The following TENM3 variants were observed in gnomAD, a reference collection of about 807,000 sequenced individuals.
The protein encoded by TENM3 is teneurin transmembrane protein 3, also known as teneurin-3.
A neutral mutation model predicts 255.1 loss-of-function variants in TENM3; 63 were observed. The observed-to-expected ratio is 0.25, with a 90% CI of 0.20 to 0.30. The LOEUF (loss-of-function observed/expected upper bound fraction) is 0.30. Among genes scored for constraint, TENM3 ranks in the 10% least tolerant of loss-of-function variants. The probability of loss-of-function intolerance (pLI) is 1.00; values close to 1 mark genes in which losing one functional copy is unlikely to be tolerated. For missense variants in TENM3, 2,929 were observed against 3,461.1 expected, an observed-to-expected ratio of 0.85 and a Z score of 3.86; for synonymous variants, 1,306 against 1,322.3, an observed-to-expected ratio of 0.99 and a Z score of 0.27.
At chr4:182,644,364 G>T (rs1049120293) in intron 5 of TENM3, among the ~76,000 whole-genome samples, 1 of 152,130 alleles carries the variant, frequency 6.6e-6, no homozygotes, top group Non-Finnish European at 1.5e-5. Flanking sequence ...GCTAAAAATG[G>T]CACTGAATTT....
chr4:182,715,568 T>A (rs1759091520), intron 13 of TENM3, among the ~76,000 whole-genome samples: 1 of 152,244 alleles, frequency 6.6e-6, no homozygotes, highest in South Asian at 2.1e-4. Context: ...CAGCTATTAT[T>A]ATCCAGTTTC....
chr4:181,938,142 T>A, the TENM3 span, among the ~76,000 whole-genome samples: 13 of 152,218 alleles, frequency 8.5e-5, no homozygotes, highest in Non-Finnish European at 1.5e-4. Flanking sequence ...TGCTGCTACA[T>A]GTGGCTAAGC....
intron 1 of TENM3, among the ~76,000 whole-genome samples, chr4:182,283,809 G>T (rs1760554575): frequency 6.6e-6 from 1 of 152,114 alleles, no homozygotes; most frequent in East Asian, 1.9e-4. Context: ...GGAGGTGATG[G>T]GTATGTGGGT....
At chr4:181,913,930 G>C in the TENM3 span, among the ~76,000 whole-genome samples, 1 of 152,164 alleles carries the variant, frequency 6.6e-6, no homozygotes, top group Non-Finnish European at 1.5e-5. Context: ...GCTTAGCCAG[G>C]AGGCTGAGAA....
intron 6 of TENM3, among the ~76,000 whole-genome samples, chr4:182,659,926 G>A (rs891978839): frequency 7.2e-5 from 11 of 152,148 alleles, no homozygotes; most frequent in Non-Finnish European, 1.5e-4. Context: ...ACCACCTGAT[G>A]TGGTGTCCTA....
At chr4:182,144,796 G>GGGGTCCTA (rs2149549143) in intron 1 of TENM3, 1 of 150,436 alleles carries the variant, frequency 6.6e-6, no homozygotes, top group African/African-American at 2.4e-5. Context: ...CTTCCTTTAT[G>GGGGTCCTA]GGGTCCTAGT....
chr4:182,161,653 A>G lies in TENM3; in HGVS notation c.-76+16899A>G, dbSNP rs1162003608. ...AATATATATATGTATATATATATAT[A>G]CACACACACAAATATATATATGTAT... On this transcript the variant is annotated intron_variant, in intron 1 of 2. Transcript: ENST00000512480. Among the ~76,000 whole-genome samples, 5 of 87,056 alleles carry G rather than the reference A, an allele frequency of 5.7e-5. 1 individual carries two copies. The highest frequency in any genetic ancestry group is 2.4e-4 in the African/African-American group (5 of 20,582). 57.1% of individuals were successfully genotyped at this position (87,056 alleles called of 152,430 possible). A position where few individuals can be genotyped will look rare whatever the true frequency, so the allele number is the denominator to read the frequency against.
the TENM3 span, among the ~76,000 whole-genome samples, chr4:182,002,790 C>A: frequency 6.6e-6 from 1 of 152,046 alleles, no homozygotes. Context: ...TATAGACCAC[C>A]CATTCTTTCT....
chr4:182,514,980 G>A (rs1157660384), intron 3 of TENM3, among the ~76,000 whole-genome samples: 1 of 152,192 alleles, frequency 6.6e-6, no homozygotes, highest in East Asian at 1.9e-4. Flanking sequence ...AATTAATATT[G>A]AGAAACCAAG....
chr4:182,134,004 T>C, the TENM3 span, among the ~76,000 whole-genome samples: 64 of 152,250 alleles, frequency 4.2e-4, no homozygotes, highest in African/African-American at 1.5e-3. Context: ...GAAACGTATA[T>C]GTTCTCAAGA....
At chr4:182,639,552 C>T (rs1752121418) in intron 5 of TENM3, among the ~76,000 whole-genome samples, 1 of 152,102 alleles carries the variant, frequency 6.6e-6, no homozygotes, top group Admixed American at 6.5e-5. Context: ...TAAAAGGAAC[C>T]ATAATCTAGG....
At chr4:181,544,538 C>T in the TENM3 span, among the ~76,000 whole-genome samples, 6 of 152,152 alleles carry the variant, frequency 3.9e-5, no homozygotes, top group East Asian at 5.8e-4. Context: ...CTACCCCTGC[C>T]GCCCACTTCT....
chr4:182,605,576 A>G (rs1748340826), intron 4 of TENM3, among the ~76,000 whole-genome samples: 1 of 152,058 alleles, frequency 6.6e-6, no homozygotes, highest in South Asian at 2.1e-4. Flanking sequence ...AAAATATGGC[A>G]CCTTTTATAA....
At chr4:182,039,514 A>G in the TENM3 span, among the ~76,000 whole-genome samples, 1 of 152,184 alleles carries the variant, frequency 6.6e-6, no homozygotes, top group Non-Finnish European at 1.5e-5. Flanking sequence ...CACCAAGGAC[A>G]TATATGCAGT....
chr4:181,466,627 T>C, the TENM3 span, among the ~76,000 whole-genome samples: 1 of 152,180 alleles, frequency 6.6e-6, no homozygotes, highest in Non-Finnish European at 1.5e-5. Context: ...CTATTTAAAA[T>C]CACTCATCGA....
chr4:182,592,391 T>C (rs1371164576), intron 3 of TENM3, among the ~76,000 whole-genome samples: 7 of 152,178 alleles, frequency 4.6e-5, no homozygotes, highest in Admixed American at 6.5e-5. Flanking sequence ...CTTGTACACT[T>C]GGAAGATCCA....
intron 13 of TENM3, among the ~76,000 whole-genome samples, chr4:182,720,429 A>G (rs1189828907): frequency 6.6e-6 from 1 of 152,150 alleles, no homozygotes; most frequent in Non-Finnish European, 1.5e-5. Flanking sequence ...TATCAGACAT[A>G]GAGTGGTGCT....
At chr4:182,004,999 T>C in the TENM3 span, among the ~76,000 whole-genome samples, 1 of 152,188 alleles carries the variant, frequency 6.6e-6, no homozygotes, top group African/African-American at 2.4e-5. Context: ...TTGCAAAAAT[T>C]TTCTCCCATT....
chr4:181,589,793 T>C, the TENM3 span, among the ~76,000 whole-genome samples: 1 of 152,184 alleles, frequency 6.6e-6, no homozygotes. Flanking sequence ...GACTAGATGA[T>C]GGGTGATTTT....
Sources: allele counts gnomAD v4.1 joint callset (sites outside exome capture counted in the v4.1 genomes callset), GRCh38; gene constraint gnomAD v4.1.1; transcripts MANE v1.5; gene names NCBI Gene and HGNC (gene_info 2026-07-23, HGNC 2026-07-21).